Variants in NXN observed in about 807,000 individuals in gnomAD.
NXN encodes nucleoredoxin.
In NXN, 16 loss-of-function variants were observed where a neutral mutation model predicts 48.6. That is an observed-to-expected ratio of 0.33 (90% CI 0.22 to 0.50). The LOEUF (loss-of-function observed/expected upper bound fraction) is 0.50, where lower values mean the gene tolerates loss of function less well. NXN is among the 20% of genes least tolerant of loss of function. The probability of loss-of-function intolerance (pLI) is 0.98; values close to 1 mark genes in which losing one functional copy is unlikely to be tolerated. For synonymous variants in NXN, 281 were observed against 269.6 expected, an observed-to-expected ratio of 1.04 and a Z score of -0.41; for missense variants, 492 against 605.5, an observed-to-expected ratio of 0.81 and a Z score of 1.97.
chr17:886,822 TG>T (rs1259806524), intron 1 of NXN, among the ~76,000 whole-genome samples: 1 of 152,048 alleles, frequency 6.6e-6, no homozygotes, highest in Non-Finnish European at 1.5e-5. Flanking sequence ...CTACACTGGA[TG>T]GTTTGAATTC....
chr17:853,738 T>TTC (rs1555614493), intron 1 of NXN, among the ~76,000 whole-genome samples: 25 of 143,626 alleles, frequency 1.7e-4, no homozygotes, highest in African/African-American at 6.2e-4. Flanking sequence ...TTTTTTTTTT[T>TTC]CCAAGACGGA....
chr17:833,792 A>C (rs757608584), intron 1 of NXN, among the ~76,000 whole-genome samples: 2 of 152,092 alleles, frequency 1.3e-5, no homozygotes, highest in African/African-American at 2.4e-5. Flanking sequence ...GAGAGAGATA[A>C]TCCTGCCCCA....
chr17:877,043 G>C (rs2068224238), intron 1 of NXN, among the ~76,000 whole-genome samples: 1 of 151,448 alleles, frequency 6.6e-6, no homozygotes, highest in African/African-American at 2.4e-5. Context: ...TTGCACCACT[G>C]CACTCCAGCC....
At chr17:915,890 G>GGTGTCAGAGCCGAAACTT (rs1385816947) in intron 1 of NXN, among the ~76,000 whole-genome samples, 7 of 99,898 alleles carry the variant, frequency 7.0e-5, no homozygotes, top group African/African-American at 2.1e-4. Context: ...ACTTCCAGCT[G>GGTGTCAGAGCCGAAACTT]CTCCCCCTCT....
At chr17:836,432 A>G (rs1246445332) in intron 1 of NXN, among the ~76,000 whole-genome samples, 1 of 152,102 alleles carries the variant, frequency 6.6e-6, no homozygotes, top group Non-Finnish European at 1.5e-5. Flanking sequence ...AATCAAAACC[A>G]TCCTTTCTGT....
Position 978,948 on chromosome 17 carries a change from C to T in NXN, c.360+371G>A, listed in dbSNP as rs951247503. Among the ~76,000 whole-genome samples, 1 of 150,914 alleles carries T rather than the reference C, an allele frequency of 6.6e-6. No homozygotes were observed. Among genetic ancestry groups the T allele is most frequent in the South Asian group, 2.1e-4 (1 of 4,762 alleles). ...GAAGGGGTCGCGGAACCGGGATCCC[C>T]GAGCGCAGCCGCCCCCACCCGAGGC... On this transcript the variant is annotated intron_variant, in intron 1 of 7. Transcript: ENST00000336868. The surrounding 1 kb of genome is among the most constrained non-coding windows in gnomAD (Gnocchi z 4.1).
intron 1 of NXN, chr17:929,946 A>G (rs1297425182): frequency 6.8e-6 from 1 of 146,492 alleles, no homozygotes; most frequent in Non-Finnish European, 1.5e-5. Flanking sequence ...TAACACATCT[A>G]ACTGGTATCT....
chr17:882,291 A>G (rs1173045444), intron 1 of NXN, among the ~76,000 whole-genome samples: 4 of 151,812 alleles, frequency 2.6e-5, no homozygotes. Context: ...GTCTCCATGA[A>G]TGGAACCAAC....
intron 1 of NXN, among the ~76,000 whole-genome samples, chr17:922,572 C>T (rs149068928): frequency 6.6e-6 from 1 of 152,170 alleles, no homozygotes; most frequent in Admixed American, 6.5e-5. Flanking sequence ...AGGTACAGAA[C>T]CAGGAGGTGC....
At chr17:840,560 T>C (rs531193731) in intron 1 of NXN, among the ~76,000 whole-genome samples, 43 of 152,256 alleles carry the variant, frequency 2.8e-4, no homozygotes, top group East Asian at 3.9e-4. Context: ...AGGATGGTCT[T>C]GATCTCCTGA....
rs146171998 is a variant in NXN, at chr17:961,953, G to A, written c.360+17366C>T. Among the ~76,000 whole-genome samples the A allele has an allele frequency of 1.6e-3, 236 of 152,212 alleles. No homozygotes were observed. In the Middle Eastern group the frequency reaches 0.024, roughly 15 times the overall value. On this transcript the variant is annotated intron_variant, in intron 1 of 7. Coordinates refer to ENST00000336868, the MANE Select transcript of NXN (RefSeq NM_022463.5). ...AGTTCAAGACCTTCCTGACCAACATGGTGAAACCTCGTTTCTACCAAGAAC... is the reference window on the plus strand; with the variant it reads ...AGTTCAAGACCTTCCTGACCAACATAGTGAAACCTCGTTTCTACCAAGAAC...
intron 1 of NXN, among the ~76,000 whole-genome samples, chr17:937,952 A>C (rs1694707757): frequency 6.6e-6 from 1 of 152,250 alleles, no homozygotes; most frequent in African/African-American, 2.4e-5. Flanking sequence ...GAAAGGCCAC[A>C]GGAGCCACGG....
Position 979,476 on chromosome 17 carries a change from G to C in NXN, c.203C>G (p.Pro68Arg). The C allele has an allele frequency of 4.2e-6, 5 of 1,193,158 alleles. No homozygotes were observed. In the South Asian group the frequency reaches 1.0e-4, roughly 25 times the overall value. 73.9% of individuals were successfully genotyped at this position (1,193,158 alleles called of 1,614,324 possible). A position where few individuals can be genotyped will look rare whatever the true frequency, so the allele number is the denominator to read the frequency against. ...CGCCCCGGCCCCCGCTCCCGGCCCC[G>C]GCCCGGCCGCCGCGTCCCCCCGCAG... ...GRLRGDAAAG[P>R]GPGAGAGAAA... The change falls in exon 1 of 8, where the codon CCG (proline) becomes CGG (arginine). Residue 68 changes from proline (P) to arginine (R), a missense_variant. Coordinates refer to ENST00000336868, the MANE Select transcript of NXN (RefSeq NM_022463.5).
intron 1 of NXN, among the ~76,000 whole-genome samples, chr17:888,181 T>G (rs1420957200): frequency 1.3e-5 from 2 of 152,170 alleles, no homozygotes; most frequent in African/African-American, 4.8e-5. Flanking sequence ...AATCTGTATC[T>G]TACAGCAGGA....
chr17:875,295 C>A (rs1567843839), intron 1 of NXN, among the ~76,000 whole-genome samples: 1 of 151,974 alleles, frequency 6.6e-6, no homozygotes, highest in Non-Finnish European at 1.5e-5. Flanking sequence ...GGCTCCCAAC[C>A]TACTGGGATT....
chr17:873,506 A>C (rs2068182443), intron 1 of NXN, among the ~76,000 whole-genome samples: 1 of 151,516 alleles, frequency 6.6e-6, no homozygotes, highest in African/African-American at 2.4e-5. Flanking sequence ...AAAAAAAAAA[A>C]AAAAGGAGTC....
Position 979,743 on chromosome 17 carries a change from G to A in NXN, c.-65C>T, listed in dbSNP as rs1217373185. The A allele has an allele frequency of 1.4e-4, 170 of 1,237,788 alleles. No individual in the cohort carries two copies. Among genetic ancestry groups the A allele is most frequent in the South Asian group, 8.5e-4 (36 of 42,576 alleles). The allele number at this position is 1,237,788 out of a possible 1,614,324, so 76.7% of individuals were successfully genotyped here. On this transcript the variant is annotated 5_prime_UTR_variant, in exon 1 of 8. Coordinates refer to ENST00000336868, the MANE Select transcript of NXN (RefSeq NM_022463.5). ...CTCCACGGTCCGCGCGGCGGGAGGAGGCGGCGGCGTCGGCGGCAGGCGCTG... is the reference window on the plus strand; with the variant it reads ...CTCCACGGTCCGCGCGGCGGGAGGAAGCGGCGGCGTCGGCGGCAGGCGCTG...
chr17:911,991 A>G (rs145765237), intron 1 of NXN, among the ~76,000 whole-genome samples: 1,568 of 149,160 alleles, frequency 0.011, 27 homozygotes, highest in African/African-American at 0.034. Context: ...AGGCTGGAGT[A>G]CAGTGGCGCG....
intron 2 of NXN, among the ~76,000 whole-genome samples, chr17:824,164 C>T (rs1912971995): frequency 6.6e-6 from 1 of 151,964 alleles, no homozygotes; most frequent in Admixed American, 6.6e-5. Context: ...CTCAGCCTCC[C>T]AAGTAGCTGG....
Sources: allele counts gnomAD v4.1 joint callset (sites outside exome capture counted in the v4.1 genomes callset), GRCh38; gene constraint gnomAD v4.1.1; non-coding constraint Gnocchi (gnomAD v3.1); transcripts MANE v1.5; gene names NCBI Gene and HGNC (gene_info 2026-07-23, HGNC 2026-07-21).